The following DLC1 variants were observed in gnomAD, a reference collection of about 807,000 sequenced individuals.
DLC1 encodes the protein DLC1 Rho GTPase activating protein.
A neutral mutation model predicts 140.3 loss-of-function variants in DLC1; 54 were observed. That is an observed-to-expected ratio of 0.38 (90% CI 0.31 to 0.48). The LOEUF (loss-of-function observed/expected upper bound fraction) is 0.48. DLC1 is among the 20% of genes least tolerant of loss of function. The pLI is 0.96. For synonymous variants in DLC1, 986 were observed against 728.1 expected, an observed-to-expected ratio of 1.35 and a Z score of -5.70; for missense variants, 2,536 against 1,907.0, an observed-to-expected ratio of 1.33 and a Z score of -6.14.
At chr8:13,580,440 C>G (rs184987323) in intron 1 of DLC1, among the ~76,000 whole-genome samples, 2 of 152,058 alleles carry the variant, frequency 1.3e-5, no homozygotes, top group African/African-American at 2.4e-5. Context: ...CATTTTTAAC[C>G]GAAGCTTACA....
chr8:13,379,463 C>T (rs1425502620), intron 4 of DLC1, among the ~76,000 whole-genome samples: 6 of 152,120 alleles, frequency 3.9e-5, no homozygotes, highest in East Asian at 1.9e-4. Context: ...CATTAACCTA[C>T]AGTTGGGCAA....
intron 1 of DLC1, among the ~76,000 whole-genome samples, chr8:13,551,075 C>CTTT (rs1554542231): frequency 8.2e-4 from 100 of 121,676 alleles, no homozygotes; most frequent in African/African-American, 2.7e-3. Flanking sequence ...CACACACACA[C>CTTT]TTTTTTTTTT....
chr8:13,361,733 T>G (rs992183534), intron 4 of DLC1, among the ~76,000 whole-genome samples: 5 of 152,320 alleles, frequency 3.3e-5, no homozygotes, highest in South Asian at 2.1e-4. Flanking sequence ...TACCAAAATC[T>G]AATGTCCCTT....
intron 5 of DLC1, 52 bp from the exon 6 acceptor site, chr8:13,115,709 T>G: frequency 6.4e-7 from 1 of 1,557,964 alleles, no homozygotes; most frequent in Non-Finnish European, 8.8e-7. Context: ...CTCGCCATGC[T>G]TATTTTTCCT....
intron 4 of DLC1, among the ~76,000 whole-genome samples, chr8:13,378,718 G>C (rs1004607457): frequency 1.3e-5 from 2 of 152,072 alleles, no homozygotes; most frequent in Non-Finnish European, 2.9e-5. Context: ...CAGCCTGAAA[G>C]ATGAACAGAA....
intron 1 of DLC1, among the ~76,000 whole-genome samples, chr8:13,540,666 T>C (rs2117330296): frequency 6.6e-6 from 1 of 152,322 alleles, no homozygotes; most frequent in East Asian, 1.9e-4. Context: ...GTTTATTGGA[T>C]CTGAAGTATG....
rs372647700 is a variant in DLC1 at position 13,484,619 on chromosome 8, T to C, written c.1023+14430A>G. On this transcript the variant is annotated intron_variant, in intron 2 of 17. Transcript: ENST00000276297. ...TGGTTACAACTCATTCTTGATTCTA[T>C]GTATCTGTTTAGTTTTCTTGGTTTC... Among the ~76,000 whole-genome samples the C allele has an allele frequency of 4.4e-3, 672 of 152,228 alleles. 13 individuals are homozygous for C. In the South Asian group the frequency reaches 0.065, roughly 15 times the overall value.
chr8:13,602,354 A>G (rs1323605847), intron 1 of DLC1, among the ~76,000 whole-genome samples: 1 of 151,820 alleles, frequency 6.6e-6, no homozygotes, highest in Non-Finnish European at 1.5e-5. Flanking sequence ...GACACATAGG[A>G]AACTGTAAGA....
At chr8:13,376,617 T>G (rs960317746) in intron 4 of DLC1, among the ~76,000 whole-genome samples, 1 of 152,036 alleles carries the variant, frequency 6.6e-6, no homozygotes, top group African/African-American at 2.4e-5. Flanking sequence ...TCAGGAAGAG[T>G]GATTTGATTT....
intron 5 of DLC1, among the ~76,000 whole-genome samples, chr8:13,181,201 C>G (rs1338775169): frequency 6.6e-6 from 1 of 152,112 alleles, no homozygotes; most frequent in African/African-American, 2.4e-5. Flanking sequence ...ACTCCAAAAC[C>G]TTTGCACTTA....
intron 1 of DLC1, among the ~76,000 whole-genome samples, chr8:13,603,859 G>A (rs934030051): frequency 6.6e-6 from 1 of 152,038 alleles, no homozygotes; most frequent in African/African-American, 2.4e-5. Context: ...AAGCGGCTCT[G>A]AATTTTTAAA....
chr8:13,126,789 G>T (rs951521271), intron 5 of DLC1, among the ~76,000 whole-genome samples: 4 of 152,170 alleles, frequency 2.6e-5, no homozygotes, highest in African/African-American at 9.7e-5. Flanking sequence ...CGCAACATTG[G>T]CTTTTGCTTT....
In DLC1 at chr8:13,098,552, A is replaced by T; in HGVS notation, c.3014T>A (p.Phe1005Tyr). ...SNRHRLRWHSFQSSHRPSLNS... is the reference protein window; with the variant it reads ...SNRHRLRWHSYQSSHRPSLNS... The stretch of plus-strand genomic sequence containing the variant: ...GAGGCTTGGCCGATGTGAGCTCTGG[A>T]AACTGTGCCATCTCAGTCGGTGCCT... Residue 1005 changes from phenylalanine to tyrosine, a missense_variant, in exon 10 of 18, where the codon TTC becomes TAC. Phe to Tyr is a conservative substitution (Grantham distance 22, BLOSUM62 3). Coordinates refer to ENST00000276297, the MANE Select transcript of DLC1 (RefSeq NM_182643.3). 6.2e-7 allele frequency: 1 copy of T among 1,614,152 alleles called. No homozygotes were observed. The highest frequency in any genetic ancestry group is 8.5e-7 in the Non-Finnish European group (1 of 1,180,002).
At chr8:13,099,295 G>A in intron 9 of DLC1, 52 bp downstream of exon 9, 1 of 1,561,274 alleles carries the variant, frequency 6.4e-7, no homozygotes, top group Non-Finnish European at 8.6e-7. Flanking sequence ...CACAGGCAAT[G>A]TCTTTCTGAC....
At chr8:13,264,333 A>G (rs1424795452) in intron 5 of DLC1, among the ~76,000 whole-genome samples, 1 of 152,102 alleles carries the variant, frequency 6.6e-6, no homozygotes, top group South Asian at 2.1e-4. Context: ...TCGGCCTCCC[A>G]CAGTGCTGGG....
At chr8:13,352,957 A>G (rs1468655170) in intron 4 of DLC1, among the ~76,000 whole-genome samples, 1 of 152,188 alleles carries the variant, frequency 6.6e-6, no homozygotes, top group African/African-American at 2.4e-5. Context: ...AAAAAAATCC[A>G]TCTTAGTAAA....
At chr8:13,271,740 A>C (rs1830938435) in intron 5 of DLC1, among the ~76,000 whole-genome samples, 1 of 152,162 alleles carries the variant, frequency 6.6e-6, no homozygotes, top group Non-Finnish European at 1.5e-5. Context: ...GCTGGAGTGC[A>C]GTGGCATGAT....
At chr8:13,218,527 AG>A (rs1285923850) in intron 5 of DLC1, among the ~76,000 whole-genome samples, 1 of 152,008 alleles carries the variant, frequency 6.6e-6, no homozygotes, top group East Asian at 1.9e-4. Flanking sequence ...AAAGATGCTC[AG>A]GGTTACTAGC....
At chr8:13,538,740 G>C (rs1302720403) in intron 1 of DLC1, among the ~76,000 whole-genome samples, 1 of 152,132 alleles carries the variant, frequency 6.6e-6, no homozygotes, top group East Asian at 1.9e-4. Context: ...AAGTCACTCA[G>C]GTAATAAGTG....
Sources: allele counts gnomAD v4.1 joint callset (sites outside exome capture counted in the v4.1 genomes callset), GRCh38; gene constraint gnomAD v4.1.1; transcripts MANE v1.5; gene names NCBI Gene and HGNC (gene_info 2026-07-23, HGNC 2026-07-21).